ZAN: variants seen among roughly 807,000 people sequenced by gnomAD.
ZAN encodes the protein zonadhesin (gene/pseudogene).
ZAN carries 260 observed loss-of-function variants against 286.2 expected under a neutral mutation model. The ratio of observed to expected loss-of-function variants is 0.91; its 90% CI spans 0.82 to 1.01. The LOEUF is 1.01. Among genes scored for constraint, ZAN ranks in the 50% least tolerant of loss-of-function variants. The pLI is 0.00. For synonymous variants in ZAN, 1,368 were observed against 1,417.5 expected (o/e 0.97, Z 0.79); for missense variants, 3,410 against 3,639.2 (o/e 0.94, Z 1.62).
Position 100,797,783 on chromosome 7 carries a change from T to TA in ZAN, c.*52dup. On this transcript the variant is annotated 3_prime_UTR_variant, in exon 48 of 48. Coordinates refer to ENST00000613979, the MANE Select transcript of ZAN (RefSeq NM_003386.3). ...GACAAGAAGATTAAATAAATTTATATATTTATTTATTTGAGACAGGGTCTT... is the reference window on the plus strand; with the variant it reads ...GACAAGAAGATTAAATAAATTTATATAATTTATTTATTTGAGACAGGGTCTT... The TA allele has an allele frequency of 6.3e-7, 1 of 1,575,536 alleles. No homozygotes were observed. The highest frequency in any genetic ancestry group is 1.7e-5 in the Admixed American group (1 of 58,526).
intron 14 of ZAN, 107 bp downstream of exon 14, chr7:100,753,336 A>T (rs1017209159): frequency 1.6e-6 from 2 of 1,259,946 alleles, no homozygotes; most frequent in African/African-American, 3.0e-5. Flanking sequence ...TTGCTTCTAG[A>T]TGCTTCTAGT....
intron 19 of ZAN, among the ~76,000 whole-genome samples, chr7:100,761,529 G>T (rs1004906878): frequency 6.6e-6 from 1 of 152,104 alleles, no homozygotes. Flanking sequence ...AGCTACTCAG[G>T]AGGCTGAGGT....
At chr7:100,780,880 A>T (rs1811153840) in intron 35 of ZAN, among the ~76,000 whole-genome samples, 2 of 151,966 alleles carry the variant, frequency 1.3e-5, no homozygotes, top group African/African-American at 4.8e-5. Flanking sequence ...GCTTGAGGCC[A>T]GGAGTTTGAG....
intron 14 of ZAN, among the ~76,000 whole-genome samples, chr7:100,754,174 T>TCAGACCAGC: frequency 6.6e-6 from 1 of 151,892 alleles, no homozygotes. Context: ...AAAAAGTATT[T>TCAGACCAGC]CTGGCCAGGC....
intron 29 of ZAN, 82 bp downstream of exon 29, chr7:100,772,102 T>C: frequency 7.1e-7 from 1 of 1,416,248 alleles, no homozygotes; most frequent in Admixed American, 2.8e-5. Context: ...AAATTCTTTT[T>C]TTTTTTTTTG....
chr7:100,739,072 C>T lies in ZAN; in HGVS notation c.766+459C>T, dbSNP rs538780910. Among the ~76,000 whole-genome samples the T allele has an allele frequency of 1.3e-4, 17 of 127,370 alleles. 1 individual carries two copies. The highest frequency in any genetic ancestry group is 4.9e-4 in the African/African-American group (17 of 34,854). 83.6% of individuals were successfully genotyped at this position (127,370 alleles called of 152,430 possible). A position where few individuals can be genotyped will look rare whatever the true frequency, so the allele number is the denominator to read the frequency against. On this transcript the variant is annotated intron_variant, in intron 7 of 47. Transcript: ENST00000613979. The stretch of plus-strand genomic sequence containing the variant: ...TGTCACCCAGTCTGGAGTGCAGTGG[C>T]GTGATCTCTGCTCACTGCAACCTCT...
intron 35 of ZAN, among the ~76,000 whole-genome samples, 169 bp from the exon 36 acceptor site, chr7:100,784,454 C>T (rs1811427454): frequency 6.6e-6 from 1 of 152,020 alleles, no homozygotes; most frequent in African/African-American, 2.4e-5. Flanking sequence ...CCCCCAAAGC[C>T]TGGCACATAA....
Position 100,759,824 on chromosome 7 carries a change from G to A in ZAN, c.3675G>A (p.Leu1225=). Residue 1225 remains leucine (L), a synonymous_variant, in exon 18 of 48, where the codon CTG becomes CTA. Coordinates refer to ENST00000613979, the MANE Select transcript of ZAN (RefSeq NM_003386.3). ...CCCTGCCCGAGAGCACCGTCACCCTGCTTAAGGGCAGACGCACTCTGGTGA... is the reference window on the plus strand; with the variant it reads ...CCCTGCCCGAGAGCACCGTCACCCTACTTAAGGGCAGACGCACTCTGGTGA... ...YVTLPESTVT[L]LKGRRTLVGG... 2 of 1,612,644 alleles carry A rather than the reference G, an allele frequency of 1.2e-6. No individual in the cohort carries two copies. Among genetic ancestry groups the A allele is most frequent in the Non-Finnish European group, 1.7e-6 (2 of 1,179,524 alleles).
Position 100,765,513 on chromosome 7 carries a change from T to C in ZAN, c.4429T>C (p.Ser1477Pro), listed in dbSNP as rs1173068546. The change falls in exon 23 of 48, where the codon TCC becomes CCC. Residue 1477 changes from serine (S) to proline (P), a missense_variant. Physicochemically the swap from Ser to Pro is moderately conservative, Grantham distance 74. Around this residue, in one of 7 missense-constraint regions of ZAN, gnomAD observed 1,042 missense variants for 1,058.0 expected, o/e 0.98. Coordinates refer to ENST00000613979, the MANE Select transcript of ZAN (RefSeq NM_003386.3). Reference protein sequence around the residue: ...VLSGLECIPRSQCGCLHPAGS... With the variant: ...VLSGLECIPRPQCGCLHPAGS... ...CAGTGGCCTCGAGTGCATACCTCGC[T>C]CCCAGTGTGGGTGCCTCCACCCTGC... 2 of 1,611,150 alleles carry C rather than the reference T, an allele frequency of 1.2e-6. No individual in the cohort carries two copies. Among genetic ancestry groups the C allele is most frequent in the Non-Finnish European group, 1.7e-6 (2 of 1,178,736 alleles).
intron 7 of ZAN, among the ~76,000 whole-genome samples, chr7:100,742,922 G>T (rs1250381712): frequency 9.6e-6 from 1 of 104,498 alleles, no homozygotes; most frequent in Non-Finnish European, 2.1e-5. Context: ...ATTTTTTAAG[G>T]ATTTTTTTTG....
chr7:100,773,721 G>A lies in ZAN; in HGVS notation c.5635G>A (p.Val1879Ile), dbSNP rs1810552832. The A allele has an allele frequency of 1.2e-6, 2 of 1,608,024 alleles. No homozygotes were observed. Among genetic ancestry groups the A allele is most frequent in the Non-Finnish European group, 1.7e-6 (2 of 1,177,094 alleles). ...CTCAGCTGATCCCTGTGGCCCACAG[G>A]TCGGGGAGCGCTGGTACACAGAGAA... is the stretch of plus-strand genomic sequence containing the variant. Reference protein sequence around the residue: ...CTDPAGSYHPVGERWYTENTC... With the variant: ...CTDPAGSYHPIGERWYTENTC... The change falls in exon 31 of 48, where the codon GTC (valine) becomes ATC (isoleucine). Residue 1879 changes from valine to isoleucine, a missense_variant and splice_region_variant. By Grantham distance (29) the Val-to-Ile change is conservative. Coordinates refer to ENST00000613979, the MANE Select transcript of ZAN (RefSeq NM_003386.3).
Position 100,767,944 on chromosome 7 carries a change from C to T in ZAN, c.4974C>T (p.Tyr1658=), listed in dbSNP as rs10953302. The change falls in exon 26 of 48, where the codon TAC becomes TAT. Residue 1658 remains tyrosine (Y), a synonymous_variant. Coordinates refer to ENST00000613979, the MANE Select transcript of ZAN (RefSeq NM_003386.3). The part of the protein sequence containing the change: ...LYTNFGLQVR[Y]DGSHLVEVTV... ...CGAACTTTGGGCTCCAAGTTCGCTA[C>T]GACGGGAGCCACTTGGTGGAAGTGA... 0.24 allele frequency: 381,242 copies of T among 1,613,506 alleles called. 46,607 individuals are homozygous for T. Among genetic ancestry groups the T allele is most frequent in the East Asian group, 0.25 (11,165 of 44,864 alleles).
intron 22 of ZAN, 69 bp from the exon 23 acceptor site, chr7:100,765,283 C>G: frequency 6.5e-7 from 1 of 1,540,500 alleles, no homozygotes; most frequent in Admixed American, 1.8e-5. Context: ...CCGAACGTGT[C>G]CTTCCTGTTT....
chr7:100,757,149 GT>G (rs1038702578), intron 15 of ZAN, among the ~76,000 whole-genome samples: 1 of 151,266 alleles, frequency 6.6e-6, no homozygotes, highest in Admixed American at 6.6e-5. Context: ...TTTTTGGTTT[GT>G]TTTTTGGGGT....
chr7:100,791,946 C>T lies in ZAN; in HGVS notation c.7530-20C>T, dbSNP rs1334486408. 1.5e-5 allele frequency: 24 copies of T among 1,600,000 alleles called. No individual in the cohort carries two copies. The highest frequency in any genetic ancestry group is 1.7e-4 in the Middle Eastern group (1 of 5,778). ...CCTTCCTTGGGGCCTCACCTGACCCCGTGGCTGTCTCTACTGCAGGGCTAT... is the reference window on the plus strand; with the variant it reads ...CCTTCCTTGGGGCCTCACCTGACCCTGTGGCTGTCTCTACTGCAGGGCTAT... On this transcript the variant is annotated intron_variant, in intron 40 of 47. Transcript: ENST00000613979.
intron 33 of ZAN, 92 bp downstream of exon 33, chr7:100,775,925 T>C: frequency 6.6e-7 from 1 of 1,515,908 alleles, no homozygotes; most frequent in Non-Finnish European, 8.9e-7. Context: ...GCATCGTGCC[T>C]GCCCAAAGAG....
chr7:100,769,771 T>A, intron 27 of ZAN, 109 bp from the exon 28 acceptor site: 1 of 955,068 alleles, frequency 1.0e-6, no homozygotes, highest in Non-Finnish European at 1.6e-6. Context: ...GGTCTTGAAC[T>A]TCTGGTCTCA....
At chr7:100,740,198 G>A (rs1807637268) in intron 7 of ZAN, among the ~76,000 whole-genome samples, 1 of 141,304 alleles carries the variant, frequency 7.1e-6, no homozygotes, top group Admixed American at 7.0e-5. Flanking sequence ...ATCACATAGA[G>A]CCTTGAAGGC....
Position 100,784,834 on chromosome 7 carries a change from T to G in ZAN, c.6834T>G (p.Pro2278=). 1 of 1,586,734 alleles carries G rather than the reference T, an allele frequency of 6.3e-7. No individual in the cohort carries two copies. Among genetic ancestry groups the G allele is most frequent in the Non-Finnish European group, 8.6e-7 (1 of 1,163,846 alleles). Residue 2278 remains proline (P), a splice_region_variant and synonymous_variant, in exon 36 of 48, where the codon CCT becomes CCG. Coordinates refer to ENST00000613979, the MANE Select transcript of ZAN (RefSeq NM_003386.3). The stretch of plus-strand genomic sequence containing the variant: ...AGGATGCCCATGGTGGCTCCATCCC[T>G]GTGAGTGGGCATGGGAAATGGGACT... ...GCKDAHGGSI[P]LGKSWVSSGC...
Sources: gnomAD v4.1 joint callset for allele counts (sites outside exome capture counted in the v4.1 genomes callset) on GRCh38, gnomAD v4.1.1 for gene constraint, gnomAD v4.1.1 regional missense constraint, MANE v1.5 for transcripts, NCBI Gene and HGNC (gene_info 2026-07-23, HGNC 2026-07-21) for gene names.